MIPOL1: variants seen among roughly 807,000 people sequenced by gnomAD.
The protein encoded by MIPOL1 is mirror-image polydactyly 1, also known as mirror-image polydactyly gene 1 protein.
Under a neutral mutation model 60.9 loss-of-function variants are expected in MIPOL1, and 57 were observed. The observed-to-expected ratio is 0.94, with a 90% CI of 0.76 to 1.17. MIPOL1 has a LOEUF of 1.17. Among genes scored for constraint, MIPOL1 ranks in the 50% most tolerant of loss-of-function variants. The probability of loss-of-function intolerance (pLI) is 0.00; values close to 1 mark genes in which losing one functional copy is unlikely to be tolerated. For missense variants in MIPOL1, 551 were observed against 511.6 expected, an observed-to-expected ratio of 1.08 and a Z score of -0.74; for synonymous variants, 179 against 168.8, an observed-to-expected ratio of 1.06 and a Z score of -0.47.
intron 7 of MIPOL1, among the ~76,000 whole-genome samples, chr14:37,294,426 C>G (rs528527583): frequency 6.6e-6 from 1 of 152,172 alleles, no homozygotes; most frequent in Admixed American, 6.5e-5. Context: ...AGGAACGCAG[C>G]TCCTCACCAG....
intron 10 of MIPOL1, among the ~76,000 whole-genome samples, chr14:37,377,474 A>G (rs1014658622): frequency 6.6e-6 from 1 of 152,134 alleles, no homozygotes; most frequent in Admixed American, 6.6e-5. Context: ...TGAGCCACTG[A>G]CAGAACGTTA....
chr14:37,338,411 C>A (rs35274404), intron 9 of MIPOL1, among the ~76,000 whole-genome samples: 3 of 65,564 alleles, frequency 4.6e-5, no homozygotes, highest in South Asian at 3.5e-4. Context: ...CGCCTGGCCC[C>A]CCCTTTTTTT....
chr14:37,492,038 G>T (rs1471995724), intron 11 of MIPOL1, among the ~76,000 whole-genome samples: 2 of 152,020 alleles, frequency 1.3e-5, no homozygotes, highest in Non-Finnish European at 2.9e-5. Context: ...TTTAAGATGG[G>T]GTCTCACTGT....
At chr14:37,246,309 A>G (rs28686904) in intron 1 of MIPOL1, among the ~76,000 whole-genome samples, 2,954 of 152,204 alleles carry the variant, frequency 0.019, 87 homozygotes, top group African/African-American at 0.066. Flanking sequence ...TGTAGAAATC[A>G]CCTATATGAA....
intron 3 of MIPOL1, among the ~76,000 whole-genome samples, chr14:37,255,513 CT>C (rs1974783812): frequency 6.6e-6 from 1 of 151,684 alleles, no homozygotes; most frequent in East Asian, 1.9e-4. Flanking sequence ...GAATAAAAAT[CT>C]TTTGGAGGAG....
chr14:37,303,488 A>G (rs1226719025), intron 7 of MIPOL1, among the ~76,000 whole-genome samples: 1 of 151,924 alleles, frequency 6.6e-6, no homozygotes, highest in Non-Finnish European at 1.5e-5. Context: ...AAATATTTAA[A>G]TTGAGCCTAT....
chr14:37,258,913 A>G (rs1374367234), intron 3 of MIPOL1, among the ~76,000 whole-genome samples: 1 of 152,126 alleles, frequency 6.6e-6, no homozygotes, highest in East Asian at 1.9e-4. Context: ...AAAAAAAAGA[A>G]TAAAATTTCA....
At chr14:37,367,503 T>G (rs2092511075) in intron 9 of MIPOL1, among the ~76,000 whole-genome samples, 1 of 152,038 alleles carries the variant, frequency 6.6e-6, no homozygotes, top group African/African-American at 2.4e-5. Flanking sequence ...AAATAATAGG[T>G]GGTCACACAA....
chr14:37,305,024 G>A (rs887460562), intron 7 of MIPOL1, among the ~76,000 whole-genome samples: 1 of 151,718 alleles, frequency 6.6e-6, no homozygotes, highest in Non-Finnish European at 1.5e-5. Context: ...AAAGTATTAT[G>A]TGTTGTACAT....
At chr14:37,518,033 C>A (rs942394344) in intron 12 of MIPOL1, among the ~76,000 whole-genome samples, 27 of 152,134 alleles carry the variant, frequency 1.8e-4, no homozygotes, top group African/African-American at 6.3e-4. Flanking sequence ...ACATACCTAA[C>A]TGTATAGCAA....
At chr14:37,294,130 G>A (rs1259770708) in intron 7 of MIPOL1, among the ~76,000 whole-genome samples, 1 of 152,136 alleles carries the variant, frequency 6.6e-6, no homozygotes, top group Non-Finnish European at 1.5e-5. Context: ...GAACGATCAG[G>A]CAGCAGCATT....
At chr14:37,407,568 C>A (rs73267938) in intron 10 of MIPOL1, among the ~76,000 whole-genome samples, 1 of 152,026 alleles carries the variant, frequency 6.6e-6, no homozygotes, top group Non-Finnish European at 1.5e-5. Flanking sequence ...AGACTTATAA[C>A]ACACACCACT....
chr14:37,282,679 G>A (rs1160870378), intron 6 of MIPOL1, among the ~76,000 whole-genome samples: 5 of 139,182 alleles, frequency 3.6e-5, no homozygotes, highest in Non-Finnish European at 3.0e-5. Flanking sequence ...AGCCTGGGAG[G>A]TAGAGGCTGC....
rs947864705 is a variant in MIPOL1 at position 37,548,744 on chromosome 14, C to T, written c.*1773C>T. 6.6e-6 allele frequency: 1 copy of T among 151,928 alleles called. No individual in the cohort carries two copies. Among genetic ancestry groups the T allele is most frequent in the African/African-American group, 2.4e-5 (1 of 41,424 alleles). 9.4% of individuals were successfully genotyped at this position (151,928 alleles called of 1,614,324 possible). A position where few individuals can be genotyped will look rare whatever the true frequency, so the allele number is the denominator to read the frequency against. On this transcript the variant is annotated 3_prime_UTR_variant, in exon 13 of 13. Transcript: ENST00000684589. ...TGAATTTTCGGTTTAATGTTGAAAG[C>T]AGATGAACTTTTCTTGAGTTATTTT... is the stretch of plus-strand genomic sequence containing the variant.
At chr14:37,275,026 TA>T (rs1211099895) in intron 6 of MIPOL1, among the ~76,000 whole-genome samples, 1 of 151,284 alleles carries the variant, frequency 6.6e-6, no homozygotes, top group African/African-American at 2.4e-5. Context: ...AAAGAATTTT[TA>T]TTTATTATTT....
intron 11 of MIPOL1, among the ~76,000 whole-genome samples, chr14:37,473,251 A>G (rs1232527370): frequency 1.3e-5 from 2 of 152,028 alleles, no homozygotes; most frequent in African/African-American, 4.8e-5. Flanking sequence ...CTTTCTCACC[A>G]TGTGATCTGT....
chr14:37,495,845 T>C (rs1201064700), intron 11 of MIPOL1, among the ~76,000 whole-genome samples: 3 of 151,608 alleles, frequency 2.0e-5, no homozygotes, highest in African/African-American at 7.3e-5. Flanking sequence ...TGGTATCTCA[T>C]TGTGGTTTTG....
intron 11 of MIPOL1, among the ~76,000 whole-genome samples, chr14:37,456,332 A>T (rs894866025): frequency 2.6e-5 from 4 of 152,118 alleles, no homozygotes; most frequent in African/African-American, 9.6e-5. Flanking sequence ...TGTCCATAGT[A>T]TATTCCCCAG....
intron 11 of MIPOL1, among the ~76,000 whole-genome samples, chr14:37,478,276 G>A (rs572300865): frequency 5.3e-5 from 8 of 152,244 alleles, no homozygotes; most frequent in African/African-American, 1.7e-4. Context: ...TAGTGTACTG[G>A]TCATGAAACA....
Sources: gnomAD v4.1 joint callset for allele counts (sites outside exome capture counted in the v4.1 genomes callset) on GRCh38, gnomAD v4.1.1 for gene constraint, MANE v1.5 for transcripts, NCBI Gene and HGNC (gene_info 2026-07-23, HGNC 2026-07-21) for gene names.